The following ARPP21 variants were observed in gnomAD, a reference collection of about 807,000 sequenced individuals.
ARPP21 encodes cAMP-regulated phosphoprotein 21.
In ARPP21, 69 loss-of-function variants were observed where a neutral mutation model predicts 113.2. That is an observed-to-expected ratio of 0.61 (90% confidence interval 0.50 to 0.74). ARPP21 has a LOEUF of 0.74. Among genes scored for constraint, ARPP21 ranks in the 30% least tolerant of loss-of-function variants. The pLI is 0.00. For synonymous variants in ARPP21, 368 were observed against 375.5 expected (o/e 0.98, Z 0.23); for missense variants, 1,070 against 1,037.4 (o/e 1.03, Z -0.43).
At chr3:35,753,964 GGT>G (rs2095488140) in intron 19 of ARPP21, among the ~76,000 whole-genome samples, 1 of 130,116 alleles carries the variant, frequency 7.7e-6, no homozygotes. Flanking sequence ...TAATTGAGAA[GGT>G]TTTTTTTTTT....
At chr3:35,648,465 G>A (rs1306106089) in intron 1 of ARPP21, among the ~76,000 whole-genome samples, 1 of 152,142 alleles carries the variant, frequency 6.6e-6, no homozygotes, top group Non-Finnish European at 1.5e-5. Context: ...TTTCTATTCT[G>A]CAACAAAGCA....
At chr3:35,661,154 T>C (rs569944470) in intron 1 of ARPP21, among the ~76,000 whole-genome samples, 2 of 152,282 alleles carry the variant, frequency 1.3e-5, no homozygotes, top group Admixed American at 6.5e-5. Flanking sequence ...ACCTGTACAA[T>C]TGAAACTGGA....
At chr3:35,786,905 C>T (rs1305906455) in intron 19 of ARPP21, among the ~76,000 whole-genome samples, 1 of 152,132 alleles carries the variant, frequency 6.6e-6, no homozygotes, top group South Asian at 2.1e-4. Context: ...TCCTCTTTCA[C>T]CAAACCATAG....
intron 1 of ARPP21, among the ~76,000 whole-genome samples, chr3:35,672,152 G>A (rs548445834): frequency 1.3e-5 from 2 of 152,132 alleles, no homozygotes; most frequent in Admixed American, 1.3e-4. Context: ...GAGTTGCTTT[G>A]CTCTCAAATC....
chr3:35,743,991 C>T, intron 19 of ARPP21, 26 bp downstream of exon 19: 5 of 1,613,518 alleles, frequency 3.1e-6, no homozygotes, highest in Non-Finnish European at 4.2e-6. Context: ...TTCCCATTTG[C>T]TTCTCAACCC....
chr3:35,788,095 A>G (rs2096668667), intron 19 of ARPP21, among the ~76,000 whole-genome samples: 1 of 152,238 alleles, frequency 6.6e-6, no homozygotes, highest in South Asian at 2.1e-4. Flanking sequence ...AAGATAAAGT[A>G]CAGAAGAATT....
At chr3:35,702,349 A>G (rs1429175982) in intron 9 of ARPP21, among the ~76,000 whole-genome samples, 1 of 151,760 alleles carries the variant, frequency 6.6e-6, no homozygotes, top group East Asian at 1.9e-4. Flanking sequence ...TGAATGATGG[A>G]ACTCTGCATT....
chr3:35,686,258 T>G (rs893323431), intron 5 of ARPP21, among the ~76,000 whole-genome samples: 1 of 151,712 alleles, frequency 6.6e-6, no homozygotes, highest in African/African-American at 2.4e-5. Context: ...ATCCTATCCC[T>G]AGAACCTGCC....
intron 19 of ARPP21, chr3:35,774,758 G>T (rs562783440): frequency 6.6e-6 from 1 of 152,118 alleles, no homozygotes; most frequent in African/African-American, 2.4e-5. Context: ...ATTTTCTCTG[G>T]AGAAAGTTTC....
chr3:35,654,327 G>A (rs907290431), intron 1 of ARPP21, among the ~76,000 whole-genome samples: 2 of 151,878 alleles, frequency 1.3e-5, no homozygotes, highest in Non-Finnish European at 2.9e-5. Flanking sequence ...TACAGTTAAG[G>A]CATATTACCT....
chr3:35,769,366 A>C (rs1434354225), intron 19 of ARPP21, among the ~76,000 whole-genome samples: 1 of 152,110 alleles, frequency 6.6e-6, no homozygotes, highest in Non-Finnish European at 1.5e-5. Flanking sequence ...ATAAAGTAGC[A>C]GCCTCAATTT....
chr3:35,686,654 A>G (rs2080693360), intron 5 of ARPP21, among the ~76,000 whole-genome samples: 1 of 151,658 alleles, frequency 6.6e-6, no homozygotes, highest in African/African-American at 2.4e-5. Context: ...GAGAGACATT[A>G]TTAGTCATTG....
upstream of ARPP21, chr3:35,639,048 G>C (rs1697405033): frequency 6.6e-6 from 1 of 152,266 alleles, no homozygotes; most frequent in Non-Finnish European, 1.5e-5. This position sits in a 1 kb window ranked among gnomAD's most constrained non-coding sequence, Gnocchi z 5.0. Context: ...TGGAGGGCCT[G>C]GGCACGGGGG....
intron 19 of ARPP21, among the ~76,000 whole-genome samples, chr3:35,767,707 A>G (rs146867997): frequency 6.6e-6 from 1 of 152,136 alleles, no homozygotes; most frequent in Non-Finnish European, 1.5e-5. Flanking sequence ...AGACTTTTCC[A>G]TGCAGCTCTG....
intron 19 of ARPP21, among the ~76,000 whole-genome samples, chr3:35,783,418 TG>T (rs1559952850): frequency 6.6e-6 from 1 of 152,080 alleles, no homozygotes; most frequent in Admixed American, 6.6e-5. Flanking sequence ...TTTATTCTTG[TG>T]TTTTTTTTTT....
intron 9 of ARPP21, among the ~76,000 whole-genome samples, chr3:35,700,172 T>A (rs1438293926): frequency 6.6e-6 from 1 of 151,830 alleles, no homozygotes; most frequent in Admixed American, 6.6e-5. Flanking sequence ...GTATTTTATT[T>A]TCTATTTTTT....
intron 19 of ARPP21, among the ~76,000 whole-genome samples, chr3:35,767,499 T>G (rs986788216): frequency 1.3e-5 from 2 of 152,120 alleles, no homozygotes; most frequent in Non-Finnish European, 2.9e-5. Flanking sequence ...AGAAAATAAT[T>G]TTGTTTGTAA....
At chr3:35,753,747 T>A (rs2095479568) in intron 19 of ARPP21, among the ~76,000 whole-genome samples, 1 of 152,008 alleles carries the variant, frequency 6.6e-6, no homozygotes, top group Non-Finnish European at 1.5e-5. Context: ...AGAAGTAATG[T>A]TTCTGATATA....
intron 15 of ARPP21, among the ~76,000 whole-genome samples, chr3:35,735,904 G>A (rs2094319133): frequency 6.6e-6 from 1 of 152,170 alleles, no homozygotes; most frequent in Non-Finnish European, 1.5e-5. Context: ...AATACTGGGT[G>A]TTACTTCACC....
Sources: gnomAD v4.1 joint callset for allele counts (sites outside exome capture counted in the v4.1 genomes callset) on GRCh38, gnomAD v4.1.1 for gene constraint, Gnocchi (gnomAD v3.1) non-coding constraint, MANE v1.5 for transcripts, NCBI Gene and HGNC (gene_info 2026-07-23, HGNC 2026-07-21) for gene names.